TRIO: variants seen among roughly 807,000 people sequenced by gnomAD.
The protein encoded by TRIO is trio Rho guanine nucleotide exchange factor.
TRIO carries 58 observed loss-of-function variants against 351.9 expected under a neutral mutation model. That is an observed-to-expected ratio of 0.16 (90% CI 0.13 to 0.21). The LOEUF (loss-of-function observed/expected upper bound fraction) is 0.21. TRIO is among the 10% of genes least tolerant of loss of function. The pLI is 1.00. For missense variants in TRIO, 3,201 were observed against 4,027.8 expected (o/e 0.79, Z 5.56); for synonymous variants, 1,758 against 1,595.7 (o/e 1.10, Z -2.42).
intron 31 of TRIO, 21 bp downstream of exon 31, chr5:14,401,085 G>T: frequency 6.3e-7 from 1 of 1,599,354 alleles, no homozygotes; most frequent in Non-Finnish European, 8.6e-7. Flanking sequence ...TTGAAGCTGG[G>T]AATGTGCTGT....
rs1748034989 is a variant in TRIO, at chr5:14,401,135, T to A, written c.4716+71T>A. ...GTGGCCATCCATGCTTGCTTTTCCG[T>A]TGTTTTCATATTATTATTATTTGTT... On this transcript the variant is annotated intron_variant, in intron 31 of 56. Coordinates refer to ENST00000344204, the MANE Select transcript of TRIO (RefSeq NM_007118.4). The A allele has an allele frequency of 2.4e-6, 3 of 1,274,186 alleles. 1 individual carries two copies. 78.9% of individuals were successfully genotyped at this position (1,274,186 alleles called of 1,614,324 possible).
intron 6 of TRIO, among the ~76,000 whole-genome samples, chr5:14,293,980 G>A (rs909375175): frequency 6.7e-6 from 1 of 149,496 alleles, no homozygotes; most frequent in African/African-American, 2.5e-5. Context: ...AATATGAACC[G>A]GCCTGGGCAA....
intron 2 of TRIO, among the ~76,000 whole-genome samples, chr5:14,273,831 C>G (rs1449388745): frequency 6.6e-6 from 1 of 152,160 alleles, no homozygotes; most frequent in Non-Finnish European, 1.5e-5. Flanking sequence ...ACGACAACCA[C>G]CAGAATTAAG....
Position 14,365,811 on chromosome 5 carries a change from G to A in TRIO, c.2754+995G>A, listed in dbSNP as rs999704165. 1.3e-5 allele frequency among the ~76,000 whole-genome samples: 2 copies of A among 152,168 alleles called. 1 individual carries two copies. The highest frequency in any genetic ancestry group is 4.1e-4 in the South Asian group (2 of 4,824). On this transcript the variant is annotated intron_variant, in intron 15 of 56. Coordinates refer to ENST00000344204, the MANE Select transcript of TRIO (RefSeq NM_007118.4). ...ACATTAGGCTGAGATCTTGGTGATGGCTGGCCTTTCCCTTCTGGTTGCCAA... is the reference window on the plus strand; with the variant it reads ...ACATTAGGCTGAGATCTTGGTGATGACTGGCCTTTCCCTTCTGGTTGCCAA...
intron 1 of TRIO, among the ~76,000 whole-genome samples, chr5:14,223,424 T>C (rs905452039): frequency 1.3e-5 from 2 of 152,144 alleles, no homozygotes; most frequent in African/African-American, 4.8e-5. Flanking sequence ...AGGAGCAGGC[T>C]CTCCTTCCCC....
At chr5:14,241,597 G>T (rs974845423) in intron 1 of TRIO, among the ~76,000 whole-genome samples, 1 of 152,082 alleles carries the variant, frequency 6.6e-6, no homozygotes, top group South Asian at 2.1e-4. Flanking sequence ...ATTTTATATT[G>T]TTGTGGATAT....
rs565309444 is a variant in TRIO, at chr5:14,310,535, A to G, written c.1500+5943A>G. On this transcript the variant is annotated intron_variant, in intron 8 of 56. Coordinates refer to ENST00000344204, the MANE Select transcript of TRIO (RefSeq NM_007118.4). Reference sequence around the variant, plus strand: ...GCAAAGCTGGTTGAGCTCCTGTTTAAAGGCACTGTATCAGTGGGTGATGGC... The same window carrying G: ...GCAAAGCTGGTTGAGCTCCTGTTTAGAGGCACTGTATCAGTGGGTGATGGC... Among the ~76,000 whole-genome samples the G allele has an allele frequency of 7.7e-4, 117 of 152,376 alleles. 1 individual carries two copies. Among genetic ancestry groups the G allele is most frequent in the African/African-American group, 2.7e-3 (111 of 41,602 alleles).
At chr5:14,304,672 T>C in intron 8 of TRIO, 80 bp downstream of exon 8, 1 of 1,468,626 alleles carries the variant, frequency 6.8e-7, no homozygotes, top group East Asian at 2.3e-5. Flanking sequence ...AAAAAAAAAG[T>C]TTTGGGTAGC....
chr5:14,176,860 T>A (rs2047819567), intron 1 of TRIO, among the ~76,000 whole-genome samples: 1 of 152,240 alleles, frequency 6.6e-6, no homozygotes, highest in Non-Finnish European at 1.5e-5. Flanking sequence ...TTTTCTTAAG[T>A]CACAGGCACT....
chr5:14,159,279 T>C (rs542521513), intron 1 of TRIO, among the ~76,000 whole-genome samples: 35 of 150,884 alleles, frequency 2.3e-4, no homozygotes, highest in Admixed American at 6.6e-4. Context: ...TATTTGGAAA[T>C]TTTGTGGAAA....
intron 1 of TRIO, among the ~76,000 whole-genome samples, chr5:14,267,319 A>G (rs1795742143): frequency 6.6e-6 from 1 of 152,126 alleles, no homozygotes; most frequent in Non-Finnish European, 1.5e-5. Flanking sequence ...GGTCTTTGGT[A>G]CAAAGATAAG....
At chr5:14,155,132 A>G (rs929112291) in intron 1 of TRIO, among the ~76,000 whole-genome samples, 1 of 152,196 alleles carries the variant, frequency 6.6e-6, no homozygotes, top group African/African-American at 2.4e-5. Context: ...GTGGGGGTAA[A>G]CTTACTTTGA....
At chr5:14,439,303 C>T (rs538351266) in intron 34 of TRIO, among the ~76,000 whole-genome samples, 10 of 152,320 alleles carry the variant, frequency 6.6e-5, no homozygotes, top group East Asian at 1.9e-4. Context: ...CATGAGCCAC[C>T]GCGCCTGGCC....
intron 1 of TRIO, among the ~76,000 whole-genome samples, chr5:14,208,850 C>A (rs977323746): frequency 6.6e-6 from 1 of 152,192 alleles, no homozygotes; most frequent in African/African-American, 2.4e-5. Context: ...AAGTGGAACT[C>A]TGAACCCTCT....
chr5:14,426,047 A>C (rs375995457), intron 34 of TRIO, among the ~76,000 whole-genome samples: 9 of 152,110 alleles, frequency 5.9e-5, no homozygotes, highest in Non-Finnish European at 1.3e-4. Flanking sequence ...TTTCATTTCT[A>C]CCGTTACTCT....
In TRIO at chr5:14,299,465, A is replaced by ACGTGCATTT. The variant is rs568260640; in HGVS notation, c.1368+2203_1368+2204insGTGCATTTC. ...GCCTGCACGTAGACAACTGAAATGC[A>ACGTGCATTT]CAGATGGGAGATTAGGACGTCTTCA... is the stretch of plus-strand genomic sequence containing the variant. On this transcript the variant is annotated intron_variant, in intron 7 of 56. Transcript: ENST00000344204. 5.3e-3 allele frequency among the ~76,000 whole-genome samples: 814 copies of ACGTGCATTT among 152,314 alleles called. 8 individuals carry two copies. The highest frequency in any genetic ancestry group is 0.018 in the African/African-American group (764 of 41,566).
intron 9 of TRIO, among the ~76,000 whole-genome samples, chr5:14,323,081 C>T (rs1740031176): frequency 6.6e-6 from 1 of 152,196 alleles, no homozygotes; most frequent in Admixed American, 6.5e-5. Context: ...AAAGGGCTGG[C>T]TCCCTCCCAC....
chr5:14,374,415 T>C, intron 19 of TRIO, 72 bp downstream of exon 19: 1 of 1,162,548 alleles, frequency 8.6e-7, no homozygotes, highest in Non-Finnish European at 1.2e-6. Context: ...GCCTGCACGT[T>C]GTGTTCTGAA....
intron 7 of TRIO, 70 bp from the exon 8 acceptor site, chr5:14,304,391 A>G: frequency 2.0e-6 from 3 of 1,505,358 alleles, no homozygotes; most frequent in Non-Finnish European, 1.8e-6. Flanking sequence ...TTTCAAAACC[A>G]TGTTAAAAAA....
Sources: gnomAD v4.1 joint callset for allele counts (sites outside exome capture counted in the v4.1 genomes callset) on GRCh38, gnomAD v4.1.1 for gene constraint, MANE v1.5 for transcripts, NCBI Gene and HGNC (gene_info 2026-07-23, HGNC 2026-07-21) for gene names.